RTL4: variants seen among roughly 807,000 people sequenced by gnomAD.
The protein encoded by RTL4 is retrotransposon Gag-like protein 4.
RTL4 carries 4 observed loss-of-function variants against 5.3 expected under a neutral mutation model. The observed-to-expected ratio is 0.75, with a 90% confidence interval of 0.37 to 1.72. The LOEUF is 1.72. Ranked by LOEUF, RTL4 falls within the 40% of genes most tolerant of loss-of-function variation. The pLI, the probability that RTL4 is intolerant of heterozygous loss-of-function variation, is 0.04. For missense variants in RTL4, 260 were observed against 227.1 expected (o/e 1.14, Z -0.93); for synonymous variants, 98 against 87.3 (o/e 1.12, Z -0.68).
At chrX:112,133,695 C>T in the RTL4 span, among the ~76,000 whole-genome samples, 4 of 112,113 alleles carry the variant, frequency 3.6e-5, no homozygotes, top group Non-Finnish European at 7.5e-5. Flanking sequence ...CTCTGTGCCT[C>T]ATTTTCTATG....
At chrX:112,229,528 A>G in the RTL4 span, among the ~76,000 whole-genome samples, 7 of 112,023 alleles carry the variant, frequency 6.2e-5, no homozygotes, top group African/African-American at 2.3e-4. Flanking sequence ...GCCGTATCTC[A>G]TGTGATTGTC....
chrX:112,242,557 T>C, the RTL4 span, among the ~76,000 whole-genome samples: 120 of 111,984 alleles, frequency 1.1e-3, no homozygotes, highest in African/African-American at 3.8e-3. Context: ...GTATCCTGAG[T>C]CTTTGCTGAA....
chrX:112,411,340 A>G, the RTL4 span, among the ~76,000 whole-genome samples: 24 of 111,714 alleles, frequency 2.1e-4, no homozygotes, highest in East Asian at 2.8e-4. Flanking sequence ...AGAATCCTTC[A>G]TAACTCATTC....
the RTL4 span, among the ~76,000 whole-genome samples, chrX:112,345,421 A>G: frequency 1.8e-5 from 2 of 111,405 alleles, no homozygotes; most frequent in Admixed American, 1.9e-4. Context: ...TATTGTGTTG[A>G]TATGGGCCCT....
the RTL4 span, among the ~76,000 whole-genome samples, chrX:112,439,009 C>T: frequency 8.9e-6 from 1 of 111,733 alleles, no homozygotes; most frequent in Non-Finnish European, 1.9e-5. Flanking sequence ...CTGGGGGAAA[C>T]CAATGTCTTT....
At chrX:112,149,513 G>A in the RTL4 span, among the ~76,000 whole-genome samples, 3 of 111,346 alleles carry the variant, frequency 2.7e-5, no homozygotes, top group Non-Finnish European at 5.7e-5. Flanking sequence ...AGAGGGTATA[G>A]GACAAGCACA....
chrX:112,245,628 C>A, the RTL4 span, among the ~76,000 whole-genome samples: 1 of 110,576 alleles, frequency 9.0e-6, no homozygotes, highest in East Asian at 2.8e-4. Flanking sequence ...ATCTTCCTCG[C>A]AATGGGTTTC....
chrX:112,360,386 T>C, the RTL4 span, among the ~76,000 whole-genome samples: 1 of 111,180 alleles, frequency 9.0e-6, no homozygotes, highest in African/African-American at 3.3e-5. Context: ...ATATGTTATT[T>C]AGGAGTTTTA....
At chrX:112,236,410 G>GATCTATATCTATATATAGATCTAT in the RTL4 span, among the ~76,000 whole-genome samples, 97 of 56,599 alleles carry the variant, frequency 1.7e-3, no homozygotes, top group African/African-American at 7.5e-3. Flanking sequence ...TATAGATATA[G>GATCTATATCTATATATAGATCTAT]ATCTATATCT....
chrX:112,364,708 G>C, the RTL4 span, among the ~76,000 whole-genome samples: 2 of 111,194 alleles, frequency 1.8e-5, no homozygotes, highest in African/African-American at 6.5e-5. Flanking sequence ...GTGATATTGA[G>C]AGGTAAGAGC....
the RTL4 span, among the ~76,000 whole-genome samples, chrX:112,401,685 C>G: frequency 9.0e-6 from 1 of 111,222 alleles, no homozygotes; most frequent in African/African-American, 3.3e-5. Context: ...TTTTCATTAC[C>G]TTACCCACTT....
chrX:112,259,722 A>G, the RTL4 span, among the ~76,000 whole-genome samples: 1 of 111,360 alleles, frequency 9.0e-6, no homozygotes, highest in Admixed American at 9.6e-5. Context: ...AGTGGTGGCT[A>G]GTGATGTAAA....
the RTL4 span, among the ~76,000 whole-genome samples, chrX:112,296,866 C>G: frequency 2.7e-5 from 3 of 109,107 alleles, no homozygotes; most frequent in East Asian, 8.6e-4. Context: ...ATCCACCCCC[C>G]TCGGCCTCCA....
the RTL4 span, among the ~76,000 whole-genome samples, chrX:112,222,743 A>G: frequency 2.7e-5 from 3 of 111,489 alleles, no homozygotes; most frequent in African/African-American, 6.5e-5. Context: ...AAGAAAGAAA[A>G]AAAAAAAGAT....
chrX:112,102,876 A>G, the RTL4 span, among the ~76,000 whole-genome samples: 4 of 112,380 alleles, frequency 3.6e-5, no homozygotes, highest in South Asian at 3.7e-4. Context: ...CAAAACCACA[A>G]TGAGATACCA....
chrX:112,202,974 A>G, the RTL4 span, among the ~76,000 whole-genome samples: 1 of 111,929 alleles, frequency 8.9e-6, no homozygotes, highest in East Asian at 2.8e-4. Context: ...ATAGGTGTGT[A>G]GTGATATGTC....
At chrX:112,357,682 G>A in the RTL4 span, among the ~76,000 whole-genome samples, 1 of 111,952 alleles carries the variant, frequency 8.9e-6, no homozygotes, top group East Asian at 2.8e-4. Context: ...AACTTTCCTA[G>A]TACCTTATCT....
At chrX:112,428,507 G>T in the RTL4 span, among the ~76,000 whole-genome samples, 1 of 111,615 alleles carries the variant, frequency 9.0e-6, no homozygotes, top group African/African-American at 3.3e-5. Flanking sequence ...TTGTACTGTG[G>T]TCTTAAAGCA....
At chrX:112,388,693 G>A in the RTL4 span, among the ~76,000 whole-genome samples, 39 of 112,009 alleles carry the variant, frequency 3.5e-4, no homozygotes, top group African/African-American at 1.2e-3. Flanking sequence ...CCCTTAATTC[G>A]CTTTATATGA....
Sources: gnomAD v4.1 joint callset for allele counts (sites outside exome capture counted in the v4.1 genomes callset) on GRCh38, gnomAD v4.1.1 for gene constraint, MANE v1.5 for transcripts, NCBI Gene and HGNC (gene_info 2026-07-23, HGNC 2026-07-21) for gene names.